Variants in GALNTL6 observed in about 807,000 individuals in gnomAD.
The protein encoded by GALNTL6 is polypeptide N-acetylgalactosaminyltransferase-like 6.
Under a neutral mutation model 73.7 loss-of-function variants are expected in GALNTL6, and 46 were observed. The observed-to-expected ratio is 0.62, with a 90% CI of 0.49 to 0.80. GALNTL6 has a LOEUF of 0.80. Among genes scored for constraint, GALNTL6 ranks in the 30% least tolerant of loss-of-function variants. GALNTL6 has a pLI of 0.00. For synonymous variants in GALNTL6, 259 were observed against 263.7 expected, an observed-to-expected ratio of 0.98 and a Z score of 0.17; for missense variants, 604 against 755.0, an observed-to-expected ratio of 0.80 and a Z score of 2.34.
At chr4:172,954,424 C>T (rs970860099) in intron 10 of GALNTL6, among the ~76,000 whole-genome samples, 3 of 152,174 alleles carry the variant, frequency 2.0e-5, no homozygotes, top group African/African-American at 4.8e-5. Context: ...GAGACATTTG[C>T]ATTCATTATT....
intron 5 of GALNTL6, among the ~76,000 whole-genome samples, chr4:172,629,717 T>C (rs1739313245): frequency 6.6e-6 from 1 of 152,124 alleles, no homozygotes; most frequent in Admixed American, 6.5e-5. Context: ...TCCCCATAGG[T>C]ATAGATAGAA....
At chr4:172,915,577 T>G (rs1415632029) in intron 8 of GALNTL6, among the ~76,000 whole-genome samples, 1 of 152,014 alleles carries the variant, frequency 6.6e-6, no homozygotes, top group Non-Finnish European at 1.5e-5. Context: ...TCACCAATGA[T>G]CCCACAGAAA....
intron 2 of GALNTL6, among the ~76,000 whole-genome samples, chr4:171,925,792 G>A (rs993722135): frequency 1.3e-5 from 2 of 151,974 alleles, no homozygotes; most frequent in Admixed American, 6.6e-5. Flanking sequence ...TAAGTAACTA[G>A]GGGAAAAACT....
intron 5 of GALNTL6, among the ~76,000 whole-genome samples, chr4:172,455,344 C>G (rs925044805): frequency 6.6e-6 from 1 of 152,170 alleles, no homozygotes; most frequent in African/African-American, 2.4e-5. Flanking sequence ...GCGCCTGGAA[C>G]ACCAGCGAGA....
intron 8 of GALNTL6, among the ~76,000 whole-genome samples, chr4:172,914,707 A>AAT (rs1747406331): frequency 6.6e-6 from 1 of 152,214 alleles, no homozygotes; most frequent in South Asian, 2.1e-4. Context: ...AACTATCCTA[A>AAT]ATGTATATGC....
chr4:171,852,885 C>G (rs1187202673), intron 2 of GALNTL6, among the ~76,000 whole-genome samples: 2 of 151,928 alleles, frequency 1.3e-5, no homozygotes, highest in African/African-American at 4.8e-5. Flanking sequence ...CTTGCTCTGT[C>G]GCCCAGGCTG....
chr4:172,529,252 A>AT (rs1054788897), intron 5 of GALNTL6, among the ~76,000 whole-genome samples: 25 of 151,518 alleles, frequency 1.6e-4, no homozygotes, highest in African/African-American at 4.8e-4. Context: ...AAATTGAAAG[A>AT]TTTTTTTTAA....
At chr4:172,795,844 AT>A (rs140028529) in intron 5 of GALNTL6, among the ~76,000 whole-genome samples, 7,960 of 152,096 alleles carry the variant, frequency 0.052, 370 homozygotes, top group African/African-American at 0.12. Flanking sequence ...ATTCACAAAA[AT>A]ATAAATTGTA....
At chr4:171,943,920 T>TCATATG (rs74281536) in intron 2 of GALNTL6, among the ~76,000 whole-genome samples, 109,418 of 151,536 alleles carry the variant, frequency 0.72, 40,567 homozygotes, top group Admixed American at 0.84. Context: ...ATAATTTTCT[T>TCATATG]AAGTTAAGTG....
At chr4:172,401,559 T>G (rs1744038256) in intron 5 of GALNTL6, among the ~76,000 whole-genome samples, 1 of 152,138 alleles carries the variant, frequency 6.6e-6, no homozygotes, top group Admixed American at 6.6e-5. Flanking sequence ...AAAATATAGT[T>G]CATTTCTCAT....
At chr4:172,170,009 A>C (rs1164993899) in intron 2 of GALNTL6, among the ~76,000 whole-genome samples, 1 of 152,218 alleles carries the variant, frequency 6.6e-6, no homozygotes, top group African/African-American at 2.4e-5. Context: ...AACCAATATC[A>C]CATTACTGTG....
At chr4:172,941,409 G>A (rs755836494) in intron 9 of GALNTL6, among the ~76,000 whole-genome samples, 4 of 152,122 alleles carry the variant, frequency 2.6e-5, no homozygotes, top group Non-Finnish European at 5.9e-5. Context: ...AAATTAAAAT[G>A]GGATTTATCT....
intron 12 of GALNTL6, among the ~76,000 whole-genome samples, chr4:173,037,118 G>T (rs113760031): frequency 2.8e-4 from 42 of 152,306 alleles, no homozygotes; most frequent in Admixed American, 5.2e-4. Flanking sequence ...GCTTTGAGAA[G>T]CTTCACCTCC....
chr4:172,425,144 T>C (rs1731182589), intron 5 of GALNTL6: 1 of 152,106 alleles, frequency 6.6e-6, no homozygotes, highest in Non-Finnish European at 1.5e-5. Context: ...ATAGCACATA[T>C]ATTGGACAGA....
intron 5 of GALNTL6, among the ~76,000 whole-genome samples, chr4:172,580,406 T>C (rs1737136962): frequency 6.6e-6 from 1 of 152,148 alleles, no homozygotes; most frequent in Non-Finnish European, 1.5e-5. Context: ...AATCAACAAA[T>C]TGAAAATTAA....
At chr4:172,568,539 G>C (rs1352147214) in intron 5 of GALNTL6, among the ~76,000 whole-genome samples, 1 of 151,762 alleles carries the variant, frequency 6.6e-6, no homozygotes, top group Non-Finnish European at 1.5e-5. Flanking sequence ...GGCGGATCAC[G>C]AGGTCAGGAG....
rs1579385219 is a variant in GALNTL6 at position 172,716,643 on chromosome 4, A to C, written c.554-92718A>C. Among the ~76,000 whole-genome samples the C allele has an allele frequency of 2.6e-5, 4 of 152,312 alleles. No homozygotes were observed. The South Asian group carries it at 8.3e-4, about 32-fold the overall frequency. ...GTCACAGAGTATTTTCTGAACGCTT[A>C]ACCTTCTGTTCTGTACCGCATTAAG... is the stretch of plus-strand genomic sequence containing the variant. On this transcript the variant is annotated intron_variant, in intron 5 of 12. Transcript: ENST00000506823.
At chr4:172,800,591 G>C (rs1447634904) in intron 5 of GALNTL6, among the ~76,000 whole-genome samples, 2 of 152,070 alleles carry the variant, frequency 1.3e-5, no homozygotes, top group African/African-American at 4.8e-5. Context: ...GAATTATCAA[G>C]TACTTTGCAC....
chr4:172,492,219 T>G (rs1316755857), intron 5 of GALNTL6, among the ~76,000 whole-genome samples: 1 of 152,188 alleles, frequency 6.6e-6, no homozygotes, highest in Non-Finnish European at 1.5e-5. Context: ...TCCATTAGTG[T>G]GATATTTACT....
Sources: allele counts gnomAD v4.1 joint callset (sites outside exome capture counted in the v4.1 genomes callset), GRCh38; gene constraint gnomAD v4.1.1; transcripts MANE v1.5; gene names NCBI Gene and HGNC (gene_info 2026-07-23, HGNC 2026-07-21).